Variants in CDH12 observed in about 807,000 individuals in gnomAD.
CDH12 encodes the protein cadherin-12.
In CDH12, 41 loss-of-function variants were observed where a neutral mutation model predicts 74.1. That is an observed-to-expected ratio of 0.55 (90% confidence interval 0.43 to 0.72). The LOEUF (loss-of-function observed/expected upper bound fraction) is 0.72, where lower values mean the gene tolerates loss of function less well. Among genes scored for constraint, CDH12 ranks in the 30% least tolerant of loss-of-function variants. CDH12 has a pLI of 0.00. For synonymous variants in CDH12, 399 were observed against 355.0 expected, an observed-to-expected ratio of 1.12 and a Z score of -1.39; for missense variants, 945 against 977.2, an observed-to-expected ratio of 0.97 and a Z score of 0.44.
chr5:22,728,922 CA>C, intron 1 of CDH12, among the ~76,000 whole-genome samples: 1 of 151,870 alleles, frequency 6.6e-6, no homozygotes, highest in Non-Finnish European at 1.5e-5. Context: ...TCTGAGGGGA[CA>C]AAAGCATGCA....
intron 10 of CDH12, among the ~76,000 whole-genome samples, chr5:21,786,041 A>G (rs1746179276): frequency 6.6e-6 from 1 of 152,216 alleles, no homozygotes. Flanking sequence ...AATGTTCATT[A>G]ACCATTATAA....
At chr5:22,208,407 T>C (rs1751345751) in intron 4 of CDH12, among the ~76,000 whole-genome samples, 2 of 152,208 alleles carry the variant, frequency 1.3e-5, no homozygotes, top group Non-Finnish European at 2.9e-5. Context: ...GCTTAGCTAT[T>C]AGGGTAATTT....
At chr5:22,803,670 T>C (rs964759623) in intron 1 of CDH12, among the ~76,000 whole-genome samples, 1 of 152,176 alleles carries the variant, frequency 6.6e-6, no homozygotes, top group Non-Finnish European at 1.5e-5. Context: ...ATACTTCACC[T>C]TGGCCGCACT....
chr5:21,857,674 C>T (rs1470216626), intron 6 of CDH12, among the ~76,000 whole-genome samples: 2 of 151,812 alleles, frequency 1.3e-5, no homozygotes, highest in South Asian at 2.1e-4. Flanking sequence ...GAGATGCCCA[C>T]ATGATACAAA....
intron 2 of CDH12, among the ~76,000 whole-genome samples, chr5:22,412,031 C>T (rs1161814119): frequency 6.6e-6 from 1 of 151,942 alleles, no homozygotes; most frequent in East Asian, 1.9e-4. Flanking sequence ...ACAATTGTTT[C>T]TAATTAAAAA....
chr5:22,770,027 A>G (rs994359967), intron 1 of CDH12, among the ~76,000 whole-genome samples: 1 of 151,920 alleles, frequency 6.6e-6, no homozygotes, highest in African/African-American at 2.4e-5. Flanking sequence ...AGCTGCACTT[A>G]CTGGGTTGCG....
chr5:22,115,831 A>G (rs6452054), intron 4 of CDH12, among the ~76,000 whole-genome samples: 65,223 of 151,308 alleles, frequency 0.43, 14,495 homozygotes, highest in Middle Eastern at 0.51. Flanking sequence ...AGCTGGGACT[A>G]CAGGCACATG....
chr5:22,428,346 C>T (rs1162952611), intron 2 of CDH12, among the ~76,000 whole-genome samples: 6 of 151,898 alleles, frequency 4.0e-5, no homozygotes. Context: ...CTTTCTTTTA[C>T]ATGGAGTATG....
chr5:22,414,681 A>G (rs992830137), intron 2 of CDH12, among the ~76,000 whole-genome samples: 2 of 151,864 alleles, frequency 1.3e-5, no homozygotes, highest in African/African-American at 4.8e-5. Flanking sequence ...TGAATTACTG[A>G]TTCAGTAAAT....
At chr5:21,831,428 T>G (rs1749015676) in intron 8 of CDH12, among the ~76,000 whole-genome samples, 1 of 152,298 alleles carries the variant, frequency 6.6e-6, no homozygotes, top group African/African-American at 2.4e-5. Context: ...TTTAATGGTG[T>G]CTTTACATAG....
At chr5:22,770,317 A>T (rs527896750) in intron 1 of CDH12, among the ~76,000 whole-genome samples, 1 of 152,140 alleles carries the variant, frequency 6.6e-6, no homozygotes, top group Admixed American at 6.6e-5. Context: ...GGAAGAAAAC[A>T]TATACGAATT....
intron 3 of CDH12, among the ~76,000 whole-genome samples, chr5:22,338,642 C>T (rs868123631): frequency 1.7e-4 from 26 of 152,058 alleles, no homozygotes; most frequent in Admixed American, 3.9e-4. Flanking sequence ...GGGATTATTA[C>T]GCATTGCCTC....
At chr5:22,217,975 G>T (rs1751880001) in intron 3 of CDH12, among the ~76,000 whole-genome samples, 1 of 151,360 alleles carries the variant, frequency 6.6e-6, no homozygotes, top group East Asian at 1.9e-4. Flanking sequence ...TTCTGACTTA[G>T]ATTTTCTTAT....
chr5:22,456,026 A>G (rs886795581), intron 2 of CDH12, among the ~76,000 whole-genome samples: 2 of 151,950 alleles, frequency 1.3e-5, no homozygotes, highest in African/African-American at 4.8e-5. Context: ...CGACATGCTT[A>G]ATTTCAAGCC....
intron 1 of CDH12, among the ~76,000 whole-genome samples, chr5:22,705,599 C>T (rs1742965214): frequency 6.6e-6 from 1 of 151,554 alleles, no homozygotes; most frequent in African/African-American, 2.4e-5. Context: ...TATTAAAACC[C>T]TTACAATATT....
chr5:21,792,824 T>C (rs1400913866), intron 10 of CDH12, among the ~76,000 whole-genome samples: 3 of 151,736 alleles, frequency 2.0e-5, no homozygotes, highest in Non-Finnish European at 3.0e-5. Flanking sequence ...TGAAGCAGCT[T>C]GCTCTAATAG....
chr5:22,409,793 T>A (rs112876787), intron 2 of CDH12, among the ~76,000 whole-genome samples: 1 of 152,036 alleles, frequency 6.6e-6, no homozygotes, highest in African/African-American at 2.4e-5. Context: ...TTCTTACCAC[T>A]CCTACCCCAT....
At chr5:22,511,504 A>C (rs540622079) in intron 1 of CDH12, among the ~76,000 whole-genome samples, 8 of 152,272 alleles carry the variant, frequency 5.3e-5, no homozygotes, top group Non-Finnish European at 8.8e-5. Flanking sequence ...AGAGAAATCC[A>C]AAAAAAGCAC....
intron 8 of CDH12, among the ~76,000 whole-genome samples, chr5:21,827,959 TTATC>T (rs768319042): frequency 3.3e-5 from 5 of 152,178 alleles, no homozygotes; most frequent in Non-Finnish European, 5.9e-5. Flanking sequence ...TATGTTGTCT[TTATC>T]TAGGTAATTT....
Sources: allele counts gnomAD v4.1 joint callset (sites outside exome capture counted in the v4.1 genomes callset), GRCh38; gene constraint gnomAD v4.1.1; transcripts MANE v1.5; gene names NCBI Gene and HGNC (gene_info 2026-07-23, HGNC 2026-07-21).